The following TTC17 variants were observed in gnomAD, a reference collection of about 807,000 sequenced individuals.
TTC17 encodes the protein tetratricopeptide repeat domain 17, also known as tetratricopeptide repeat protein 17.
In TTC17, 58 loss-of-function variants were observed where a neutral mutation model predicts 143.8. The observed-to-expected ratio is 0.40, with a 90% CI of 0.33 to 0.50. The LOEUF (loss-of-function observed/expected upper bound fraction) is 0.50, where lower values mean the gene tolerates loss of function less well. TTC17 is among the 20% of genes least tolerant of loss of function. TTC17 has a pLI of 0.49. For synonymous variants in TTC17, 501 were observed against 497.8 expected, an observed-to-expected ratio of 1.01 and a Z score of -0.09; for missense variants, 1,273 against 1,392.5, an observed-to-expected ratio of 0.91 and a Z score of 1.37.
At position 43,379,130 on chromosome 11, in the gene TTC17, T is replaced by G. The variant is rs1202025007; in HGVS notation, c.160-103T>G. 7 of 1,073,860 alleles carry G rather than the reference T, an allele frequency of 6.5e-6. No individual in the cohort carries two copies. In the African/African-American group the frequency reaches 1.1e-4, roughly 17 times the overall value. The allele number at this position is 1,073,860 out of a possible 1,614,324, so 66.5% of individuals were successfully genotyped here. ...AGTTTTGCTGAGGAATAACGCTGAT[T>G]ACAATGGCGAATGAACAATAATTTA... is the stretch of plus-strand genomic sequence containing the variant. On this transcript the variant is annotated intron_variant, in intron 1 of 23. Transcript: ENST00000039989.
At chr11:43,487,359 T>C (rs1480803115) in intron 21 of TTC17, among the ~76,000 whole-genome samples, 1 of 152,152 alleles carries the variant, frequency 6.6e-6, no homozygotes, top group African/African-American at 2.4e-5. Context: ...TTGGCCAGGC[T>C]GGTTTCGAAC....
chr11:43,480,925 T>C (rs984781065), intron 21 of TTC17, among the ~76,000 whole-genome samples: 3 of 138,754 alleles, frequency 2.2e-5, no homozygotes, highest in African/African-American at 8.0e-5. Context: ...TGGACAAATA[T>C]AAAATGATCT....
At chr11:43,410,839 A>G (rs540859227) in intron 15 of TTC17, among the ~76,000 whole-genome samples, 1 of 152,156 alleles carries the variant, frequency 6.6e-6, no homozygotes, top group Non-Finnish European at 1.5e-5. Context: ...CTTCCTTCAT[A>G]CCTTTCTCCT....
At chr11:43,423,361 A>G (rs1382375988) in intron 16 of TTC17, among the ~76,000 whole-genome samples, 2 of 142,234 alleles carry the variant, frequency 1.4e-5, no homozygotes, top group African/African-American at 2.7e-5. Context: ...AGTGATAGAC[A>G]TGTTCATTTG....
chr11:43,361,311 A>C (rs1039703198), intron 1 of TTC17, among the ~76,000 whole-genome samples: 29 of 152,242 alleles, frequency 1.9e-4, no homozygotes, highest in African/African-American at 7.0e-4. Context: ...AGATTTGTAC[A>C]TTCAGAAACA....
At chr11:43,424,132 G>A (rs1213725657) in intron 16 of TTC17, among the ~76,000 whole-genome samples, 7 of 143,324 alleles carry the variant, frequency 4.9e-5, no homozygotes, top group East Asian at 2.0e-4. Context: ...CGCTCTTGTC[G>A]CCCAGGCTAG....
Position 43,443,414 on chromosome 11 carries a change from G to A in TTC17, c.2341G>A (p.Glu781Lys). The A allele has an allele frequency of 6.2e-7, 1 of 1,614,182 alleles. No individual in the cohort carries two copies. Among genetic ancestry groups the A allele is most frequent in the Non-Finnish European group, 8.5e-7 (1 of 1,180,030 alleles). Reference protein sequence around the residue: ...MSEEILALVDEFQQAWPLEGF... With the variant: ...MSEEILALVDKFQQAWPLEGF... ...AGAAGAAATACTGGCTTTGGTGGAT[G>A]AATTTCAACAGGCATGGCCTTTGGA... Residue 781 changes from glutamate to lysine, a missense_variant, in exon 17 of 24, where the codon GAA becomes AAA. Glu to Lys is a moderately conservative substitution (Grantham distance 56). Around this residue, in one of 3 missense-constraint regions of TTC17, gnomAD observed 878 missense variants for 899.8 expected, o/e 0.98. Coordinates refer to ENST00000039989, the MANE Select transcript of TTC17 (RefSeq NM_018259.6).
In TTC17 at chr11:43,494,879, G is replaced by A. The variant is rs879932930; in HGVS notation, c.*975G>A. On this transcript the variant is annotated 3_prime_UTR_variant, in exon 24 of 24. Transcript: ENST00000039989. ...GAGAATCAGAAACTCCAACATTTTG[G>A]AATCTTCAAGGGCACATACTGAGAA... The A allele has an allele frequency of 6.6e-6, 1 of 152,006 alleles. No individual in the cohort carries two copies. Among genetic ancestry groups the A allele is most frequent in the Non-Finnish European group, 1.5e-5 (1 of 68,002 alleles). The allele number at this position is 152,006 out of a possible 1,614,324, so 9.4% of individuals were successfully genotyped here.
intron 2 of TTC17, among the ~76,000 whole-genome samples, chr11:43,382,843 A>G (rs1379708315): frequency 6.6e-6 from 1 of 151,752 alleles, no homozygotes; most frequent in Non-Finnish European, 1.5e-5. Context: ...AGAGTGGCAA[A>G]CTCTACAGAA....
intron 21 of TTC17, among the ~76,000 whole-genome samples, chr11:43,484,064 C>T (rs1948335144): frequency 6.6e-6 from 1 of 152,146 alleles, no homozygotes; most frequent in Admixed American, 6.5e-5. Flanking sequence ...ATCACTTGAA[C>T]CCAGGAGGCG....
chr11:43,442,271 A>G lies in TTC17; in HGVS notation c.2252-1054A>G, dbSNP rs555853722. ...TGACCAGAACTTCATTATGTGGTGC[A>G]TGGCTATAATACCATGTTCTAAATC... On this transcript the variant is annotated intron_variant, in intron 16 of 23. Transcript: ENST00000039989. Among the ~76,000 whole-genome samples, 3 of 152,356 alleles carry G rather than the reference A, an allele frequency of 2.0e-5. No homozygotes were observed. In the East Asian group the frequency reaches 5.8e-4, roughly 29 times the overall value.
chr11:43,438,440 C>T lies in TTC17; in HGVS notation c.2252-4885C>T, dbSNP rs79467000. On this transcript the variant is annotated intron_variant, in intron 16 of 23. Coordinates refer to ENST00000039989, the MANE Select transcript of TTC17 (RefSeq NM_018259.6). ...TCCCAAATGCATGAGCCACAGCGCCCGGCTGTATGGTGGTAATCTTAATTT... is the reference window on the plus strand; with the variant it reads ...TCCCAAATGCATGAGCCACAGCGCCTGGCTGTATGGTGGTAATCTTAATTT... Among the ~76,000 whole-genome samples the T allele has an allele frequency of 6.2e-3, 940 of 152,216 alleles. 13 individuals carry two copies. The highest frequency in any genetic ancestry group is 0.021 in the African/African-American group (886 of 41,522).
At chr11:43,437,635 A>G (rs1379639977) in intron 16 of TTC17, among the ~76,000 whole-genome samples, 1 of 152,208 alleles carries the variant, frequency 6.6e-6, no homozygotes, top group Non-Finnish European at 1.5e-5. Flanking sequence ...GAGTATTTAA[A>G]TGAAATAACT....
At chr11:43,464,813 A>G (rs747485110) in intron 21 of TTC17, among the ~76,000 whole-genome samples, 3 of 152,200 alleles carry the variant, frequency 2.0e-5, no homozygotes, top group Non-Finnish European at 4.4e-5. Context: ...TTTAAAAGTC[A>G]TGCAGGGCTA....
chr11:43,491,746 C>T, intron 22 of TTC17: 1 of 400,022 alleles, frequency 2.5e-6, no homozygotes, highest in Non-Finnish European at 4.6e-6. Flanking sequence ...AAGAAACCAA[C>T]TACATTATTC....
Position 43,397,394 on chromosome 11 carries a change from G to C in TTC17, c.821G>C (p.Arg274Thr). Reference protein sequence around the residue: ...ALVNLANVLHRAHFSADAAVV... With the variant: ...ALVNLANVLHTAHFSADAAVV... ...GTCAACCTGGCAAACGTTCTACACAGAGCACACTTCTCTGCTGATGCTGCT... is the reference window on the plus strand; with the variant it reads ...GTCAACCTGGCAAACGTTCTACACACAGCACACTTCTCTGCTGATGCTGCT... Residue 274 changes from arginine (R) to threonine (T), a missense_variant, in exon 7 of 24, where the codon AGA (arginine) becomes ACA (threonine). By Grantham distance (71) the Arg-to-Thr change is moderately conservative. Transcript: ENST00000039989. 6.2e-7 allele frequency: 1 copy of C among 1,612,958 alleles called. No individual in the cohort carries two copies. The highest frequency in any genetic ancestry group is 1.1e-5 in the South Asian group (1 of 91,078).
At chr11:43,362,376 G>A (rs936447624) in intron 1 of TTC17, among the ~76,000 whole-genome samples, 23 of 152,094 alleles carry the variant, frequency 1.5e-4, no homozygotes, top group African/African-American at 5.6e-4. Flanking sequence ...AAATTCATTT[G>A]ATTTTTTATA....
At position 43,443,566 on chromosome 11, in the gene TTC17, T is replaced by C. The variant is rs1324821206; in HGVS notation, c.2493T>C (p.Asp831=). 1 of 1,611,394 alleles carries C rather than the reference T, an allele frequency of 6.2e-7. No homozygotes were observed. The highest frequency in any genetic ancestry group is 8.5e-7 in the Non-Finnish European group (1 of 1,178,438). The change falls in exon 17 of 24, where the codon GAT becomes GAC. Residue 831 remains aspartate (D), a synonymous_variant. Transcript: ENST00000039989. ...GCTATGGAGACTGCAGAAGTGAAGA[T>C]GATGAAGCAACAGAATGGGTAAGTT... The part of the protein sequence containing the change: ...SSCYGDCRSE[D]DEATEWITFQ...
At chr11:43,363,700 G>T (rs921232700) in intron 1 of TTC17, among the ~76,000 whole-genome samples, 1 of 152,184 alleles carries the variant, frequency 6.6e-6, no homozygotes, top group African/African-American at 2.4e-5. Flanking sequence ...AAGAGAGAAA[G>T]TCACTCAAAG....
Sources: gnomAD v4.1 joint callset for allele counts (sites outside exome capture counted in the v4.1 genomes callset) on GRCh38, gnomAD v4.1.1 for gene constraint, gnomAD v4.1.1 regional missense constraint, MANE v1.5 for transcripts, NCBI Gene and HGNC (gene_info 2026-07-23, HGNC 2026-07-21) for gene names.